Variants in CSE1L observed in about 807,000 individuals in gnomAD.
CSE1L encodes exportin-2.
A neutral mutation model predicts 120.4 loss-of-function variants in CSE1L; 24 were observed. The observed-to-expected ratio is 0.20, with a 90% CI of 0.14 to 0.28. The LOEUF is 0.28. Among genes scored for constraint, CSE1L ranks in the 10% least tolerant of loss-of-function variants. The probability of loss-of-function intolerance (pLI) is 1.00; values close to 1 mark genes in which losing one functional copy is unlikely to be tolerated. For missense variants in CSE1L, 830 were observed against 1,145.2 expected (o/e 0.72, Z 3.97); for synonymous variants, 402 against 398.3 (o/e 1.01, Z -0.11).
intron 19 of CSE1L, among the ~76,000 whole-genome samples, 169 bp downstream of exon 19, chr20:49,089,915 T>C (rs2092087995): frequency 6.6e-6 from 1 of 152,126 alleles, no homozygotes; most frequent in African/African-American, 2.4e-5. Flanking sequence ...CCGAGGAGTT[T>C]AAGACCAGCC....
intron 7 of CSE1L, 54 bp downstream of exon 7, chr20:49,068,876 G>A (rs905362948): frequency 3.9e-5 from 49 of 1,245,348 alleles, no homozygotes; most frequent in Non-Finnish European, 5.7e-5. Flanking sequence ...TTTAAATAGA[G>A]TTTTCTTTCT....
intron 1 of CSE1L, among the ~76,000 whole-genome samples, chr20:49,054,333 A>G (rs899248190): frequency 6.6e-6 from 1 of 152,200 alleles, no homozygotes; most frequent in African/African-American, 2.4e-5. Context: ...TAAGCACAGC[A>G]TTAGATAATA....
chr20:49,089,124 A>C, intron 17 of CSE1L, 123 bp from the exon 18 acceptor site: 2 of 796,816 alleles, frequency 2.5e-6, no homozygotes, highest in Non-Finnish European at 3.7e-6. Context: ...GCACTAGGGT[A>C]TAATTGGTGT....
intron 8 of CSE1L, among the ~76,000 whole-genome samples, chr20:49,070,796 T>G (rs759912739): frequency 6.6e-6 from 1 of 152,152 alleles, no homozygotes; most frequent in Non-Finnish European, 1.5e-5. Context: ...ATTAGCCAGA[T>G]GTGTTGGCTC....
chr20:49,047,559 CTTTTCTTTTT>C (rs2091726505), intron 1 of CSE1L, among the ~76,000 whole-genome samples: 1 of 61,086 alleles, frequency 1.6e-5, no homozygotes, highest in South Asian at 4.8e-4. Context: ...TTTCTTTTCT[CTTTTCTTTTT>C]TTTTTTTTTT....
intron 3 of CSE1L, among the ~76,000 whole-genome samples, chr20:49,065,311 AAATTTTTTTT>A (rs1288611032): frequency 4.5e-5 from 3 of 66,928 alleles, no homozygotes; most frequent in Non-Finnish European, 1.0e-4. Flanking sequence ...AATGAAAAAA[AAATTTTTTTT>A]TTTTTTTTTT....
intron 1 of CSE1L, among the ~76,000 whole-genome samples, chr20:49,056,539 C>A (rs975958259): frequency 9.2e-5 from 14 of 152,196 alleles, no homozygotes; most frequent in African/African-American, 3.4e-4. Flanking sequence ...ACTCTGTCAC[C>A]CCCAAAAAGT....
intron 1 of CSE1L, among the ~76,000 whole-genome samples, chr20:49,057,698 C>T (rs2091819866): frequency 6.6e-6 from 1 of 152,128 alleles, no homozygotes; most frequent in African/African-American, 2.4e-5. Flanking sequence ...ATGGTGCGAT[C>T]TCAGCTCACT....
intron 3 of CSE1L, among the ~76,000 whole-genome samples, chr20:49,064,128 C>A (rs535088764): frequency 6.6e-6 from 1 of 152,170 alleles, no homozygotes; most frequent in African/African-American, 2.4e-5. Flanking sequence ...GCTAAGCATC[C>A]TACAATGCAC....
intron 10 of CSE1L, among the ~76,000 whole-genome samples, chr20:49,073,259 C>T (rs745637017): frequency 3.3e-5 from 5 of 152,154 alleles, no homozygotes; most frequent in Non-Finnish European, 7.3e-5. Flanking sequence ...GCAGTCCACC[C>T]GCTTTAGCCT....
chr20:49,064,881 A>G (rs2091878916), intron 3 of CSE1L, among the ~76,000 whole-genome samples: 1 of 151,184 alleles, frequency 6.6e-6, no homozygotes, highest in South Asian at 2.1e-4. Flanking sequence ...AGGGCTGGGT[A>G]TGGTGGCTCA....
At chr20:49,064,122 A>G (rs1460196483) in intron 3 of CSE1L, among the ~76,000 whole-genome samples, 1 of 152,226 alleles carries the variant, frequency 6.6e-6, no homozygotes, top group African/African-American at 2.4e-5. Flanking sequence ...GATGCTGCTA[A>G]GCATCCTACA....
At chr20:49,090,617 A>C in intron 19 of CSE1L, 125 bp from the exon 20 acceptor site, 1 of 741,208 alleles carries the variant, frequency 1.3e-6, no homozygotes, top group Non-Finnish European at 2.3e-6. Flanking sequence ...TATGTTTCAG[A>C]AATAATTAAA....
chr20:49,063,156 G>A (rs1446764301), intron 2 of CSE1L, 46 bp from the exon 3 acceptor site: 1 of 1,267,472 alleles, frequency 7.9e-7, no homozygotes, highest in South Asian at 1.5e-5. Context: ...TATATAAGGT[G>A]GAAAGATTTT....
chr20:49,083,854 AC>A (rs1259444256), intron 14 of CSE1L, among the ~76,000 whole-genome samples, 171 bp from the exon 15 acceptor site: 3 of 152,198 alleles, frequency 2.0e-5, no homozygotes, highest in Admixed American at 2.0e-4. Flanking sequence ...TGGAAATTGA[AC>A]CATTATGTGC....
chr20:49,089,726 A>T lies in CSE1L; in HGVS notation c.2161A>T (p.Ser721Cys), dbSNP rs1600548787. The T allele has an allele frequency of 6.2e-7, 1 of 1,614,200 alleles. No homozygotes were observed. Among genetic ancestry groups the T allele is most frequent in the East Asian group, 2.2e-5 (1 of 44,884 alleles). ...FLERGSNTIA[S>C]AAADKIPGLL... ...AGAACGCGGTTCAAACACAATAGCA[A>T]GTGCTGCAGCTGACAAAATTGTGCG... Residue 721 changes from serine to cysteine, a missense_variant, in exon 19 of 25, where the codon AGT (serine) becomes TGT (cysteine). Coordinates refer to ENST00000262982, the MANE Select transcript of CSE1L (RefSeq NM_001316.4).
chr20:49,094,059 A>T (rs775625114), intron 22 of CSE1L, 81 bp from the exon 23 acceptor site: 4 of 840,214 alleles, frequency 4.8e-6, no homozygotes, highest in Non-Finnish European at 5.5e-6. Context: ...CATATTCATA[A>T]GAAGTAACTA....
chr20:49,049,926 T>C (rs1032991635), intron 1 of CSE1L, among the ~76,000 whole-genome samples: 6 of 151,886 alleles, frequency 4.0e-5, no homozygotes, highest in African/African-American at 1.2e-4. Flanking sequence ...ACTTGGGAGG[T>C]TGAAGTAGGA....
At chr20:49,086,055 G>A (rs374762018) in intron 16 of CSE1L, among the ~76,000 whole-genome samples, 8 of 152,076 alleles carry the variant, frequency 5.3e-5, no homozygotes, top group Non-Finnish European at 7.3e-5. Context: ...GTCTTCTTAC[G>A]TACTGCCAAG....
Sources: allele counts gnomAD v4.1 joint callset (sites outside exome capture counted in the v4.1 genomes callset), GRCh38; gene constraint gnomAD v4.1.1; transcripts MANE v1.5; gene names NCBI Gene and HGNC (gene_info 2026-07-23, HGNC 2026-07-21).